Variants in IL6R observed in about 807,000 individuals in gnomAD.
IL6R encodes the protein interleukin-6 receptor subunit alpha.
A neutral mutation model predicts 48.3 loss-of-function variants in IL6R; 38 were observed. The ratio of observed to expected loss-of-function variants is 0.79; its 90% CI spans 0.61 to 1.03. IL6R has a LOEUF of 1.03. IL6R is among the 50% of genes least tolerant of loss of function. The pLI is 0.00. For synonymous variants in IL6R, 264 were observed against 256.2 expected, an observed-to-expected ratio of 1.03 and a Z score of -0.29; for missense variants, 534 against 618.3, an observed-to-expected ratio of 0.86 and a Z score of 1.45.
At chr1:154,458,517 A>G (rs1691051882) in intron 9 of IL6R, among the ~76,000 whole-genome samples, 1 of 152,178 alleles carries the variant, frequency 6.6e-6, no homozygotes, top group African/African-American at 2.4e-5. Flanking sequence ...GACTTTTCTC[A>G]TAACCCACCA....
intron 5 of IL6R, 52 bp downstream of exon 5, chr1:154,435,208 G>T (rs190619194): frequency 1.0e-5 from 16 of 1,559,040 alleles, no homozygotes; most frequent in African/African-American, 5.4e-5. Context: ...ATGCTTAGGC[G>T]TAGTAGAAAG....
At chr1:154,462,949 AGG>A (rs1197283565) in intron 9 of IL6R, among the ~76,000 whole-genome samples, 10 of 152,180 alleles carry the variant, frequency 6.6e-5, no homozygotes, top group Non-Finnish European at 1.2e-4. Context: ...CTGGGATTAC[AGG>A]CATGCGCCAC....
In IL6R at chr1:154,405,532, C is replaced by T. The variant is rs1308165289; in HGVS notation, c.-98C>T. On this transcript the variant is annotated 5_prime_UTR_variant, in exon 1 of 10. Coordinates refer to ENST00000368485, the MANE Select transcript of IL6R (RefSeq NM_000565.4). This position sits in a 1 kb window ranked among gnomAD's most constrained non-coding sequence, Gnocchi z 5.2. ...CCCCCGGGGCCTGAGCCCGCCTGCCCGCCCACCGCCCCGCCCCGCCCCTGC... is the reference window on the plus strand; with the variant it reads ...CCCCCGGGGCCTGAGCCCGCCTGCCTGCCCACCGCCCCGCCCCGCCCCTGC... 4.9e-6 allele frequency: 2 copies of T among 412,046 alleles called. No individual in the cohort carries two copies. The highest frequency in any genetic ancestry group is 8.7e-6 in the Non-Finnish European group (2 of 228,794). 25.5% of individuals were successfully genotyped at this position (412,046 alleles called of 1,614,324 possible).
chr1:154,463,753 T>G lies in IL6R; in HGVS notation c.1161-1381T>G, dbSNP rs74939863. ...ATCCATGTCACCATTTCATCTTTCT[T>G]TGAGCTGTCAAGTGACTTTTCTCAG... On this transcript the variant is annotated intron_variant, in intron 9 of 9. Transcript: ENST00000368485. Among the ~76,000 whole-genome samples the G allele has an allele frequency of 6.4e-4, 98 of 152,358 alleles. No homozygotes were observed. The East Asian group carries it at 0.016, about 25-fold the overall frequency.
chr1:154,447,183 A>C (rs1433566417), intron 6 of IL6R, among the ~76,000 whole-genome samples: 1 of 151,686 alleles, frequency 6.6e-6, no homozygotes, highest in Non-Finnish European at 1.5e-5. Flanking sequence ...TCATGCCTGT[A>C]ATCCTAGCAC....
chr1:154,456,298 C>T (rs1261574744), intron 9 of IL6R, among the ~76,000 whole-genome samples: 6 of 151,456 alleles, frequency 4.0e-5, no homozygotes, highest in Admixed American at 2.6e-4. Context: ...TTCCGCCTCC[C>T]GGGTTCAAGC....
At chr1:154,446,668 C>T (rs904025152) in intron 6 of IL6R, among the ~76,000 whole-genome samples, 10 of 152,120 alleles carry the variant, frequency 6.6e-5, no homozygotes, top group Non-Finnish European at 1.5e-4. Flanking sequence ...GGGAGGGAGC[C>T]GTGAGGGTGC....
chr1:154,443,118 G>T (rs994953037), intron 6 of IL6R, among the ~76,000 whole-genome samples: 6 of 152,146 alleles, frequency 3.9e-5, no homozygotes, highest in African/African-American at 1.4e-4. Context: ...GTATAAGGGG[G>T]TTATTCCTTG....
At chr1:154,421,646 G>A (rs141308042) in intron 1 of IL6R, among the ~76,000 whole-genome samples, 262 of 152,278 alleles carry the variant, frequency 1.7e-3, no homozygotes, top group African/African-American at 6.1e-3. Flanking sequence ...TTGAGACACA[G>A]TCTTGCTCTG....
intron 6 of IL6R, among the ~76,000 whole-genome samples, chr1:154,438,994 GAT>G (rs1332313758): frequency 6.6e-6 from 1 of 152,166 alleles, no homozygotes. Flanking sequence ...CTTCAGGGTA[GAT>G]CGTATTGACC....
intron 1 of IL6R, among the ~76,000 whole-genome samples, chr1:154,406,261 G>A (rs1687714303): frequency 1.3e-5 from 2 of 152,184 alleles, no homozygotes; most frequent in South Asian, 4.1e-4. Flanking sequence ...CTGAGTCACG[G>A]ATCTTCCCGC....
intron 1 of IL6R, chr1:154,418,541 G>A: frequency 2.5e-6 from 1 of 399,812 alleles, no homozygotes; most frequent in Non-Finnish European, 3.4e-6. Flanking sequence ...TGAGAAGAGG[G>A]GGTTGCGGAC....
chr1:154,467,100 CCT>C lies in IL6R; in HGVS notation c.*1721_*1722del, dbSNP rs1184581548. ...CCTAGAAATTCCCCACCCTGAAAGCCCTGAGCTTTCTGCTATCAAAGAGGTTT... is the reference window on the plus strand; with the variant it reads ...CCTAGAAATTCCCCACCCTGAAAGCCGAGCTTTCTGCTATCAAAGAGGTTT... On this transcript the variant is annotated 3_prime_UTR_variant, in exon 10 of 10. Coordinates refer to ENST00000368485, the MANE Select transcript of IL6R (RefSeq NM_000565.4). The C allele has an allele frequency of 6.6e-6, 1 of 152,078 alleles. No homozygotes were observed. 9.4% of individuals were successfully genotyped at this position (152,078 alleles called of 1,614,324 possible).
chr1:154,423,304 T>C (rs992010302), intron 1 of IL6R, among the ~76,000 whole-genome samples: 57 of 146,442 alleles, frequency 3.9e-4, no homozygotes, highest in African/African-American at 1.4e-3. Flanking sequence ...ATAAGAGCAA[T>C]ATAGGCAACT....
intron 9 of IL6R, among the ~76,000 whole-genome samples, chr1:154,459,993 C>T (rs184220728): frequency 1.1e-3 from 171 of 152,206 alleles, no homozygotes; most frequent in African/African-American, 3.8e-3. Context: ...CATGGTGTTC[C>T]GGGCCATGGA....
intron 1 of IL6R, among the ~76,000 whole-genome samples, chr1:154,425,135 G>T (rs1362127370): frequency 2.6e-5 from 4 of 152,184 alleles, no homozygotes; most frequent in African/African-American, 9.7e-5. Context: ...ATCAGGCCCA[G>T]GGTGTGGCGC....
intron 1 of IL6R, among the ~76,000 whole-genome samples, chr1:154,418,029 G>A (rs1398801859): frequency 3.3e-5 from 5 of 152,006 alleles, no homozygotes; most frequent in Admixed American, 6.6e-5. Flanking sequence ...CACTTCACCC[G>A]GCCTAATTTT....
intron 1 of IL6R, among the ~76,000 whole-genome samples, chr1:154,411,457 C>T (rs1407379664): frequency 2.0e-5 from 3 of 152,122 alleles, no homozygotes; most frequent in African/African-American, 7.2e-5. Context: ...ATGTGGGAGT[C>T]GTGTGCTGGC....
chr1:154,423,185 G>A (rs1237924235), intron 1 of IL6R, among the ~76,000 whole-genome samples: 1 of 148,744 alleles, frequency 6.7e-6, no homozygotes, highest in African/African-American at 2.5e-5. Flanking sequence ...TGCCCACTGC[G>A]CTCTGCCGTG....
Sources: allele counts gnomAD v4.1 joint callset (sites outside exome capture counted in the v4.1 genomes callset), GRCh38; gene constraint gnomAD v4.1.1; non-coding constraint Gnocchi (gnomAD v3.1); transcripts MANE v1.5; gene names NCBI Gene and HGNC (gene_info 2026-07-23, HGNC 2026-07-21).